Variants in PLEKHA5 observed in about 807,000 individuals in gnomAD.
PLEKHA5 encodes pleckstrin homology domain containing A5.
In PLEKHA5, 55 loss-of-function variants were observed where a neutral mutation model predicts 181.9. The ratio of observed to expected loss-of-function variants is 0.30; its 90% CI spans 0.24 to 0.38. PLEKHA5 has a LOEUF of 0.38. PLEKHA5 is among the 10% of genes least tolerant of loss of function. PLEKHA5 has a pLI of 1.00. For missense variants in PLEKHA5, 1,432 were observed against 1,549.5 expected, an observed-to-expected ratio of 0.92 and a Z score of 1.27; for synonymous variants, 535 against 529.4, an observed-to-expected ratio of 1.01 and a Z score of -0.15.
chr12:19,208,234 C>T (rs941463255), intron 3 of PLEKHA5, among the ~76,000 whole-genome samples: 1 of 144,122 alleles, frequency 6.9e-6, no homozygotes, highest in African/African-American at 2.5e-5. Context: ...ATGGTGAAAC[C>T]CTGTCTCTAC....
At chr12:19,307,034 C>A in intron 15 of PLEKHA5, 1 of 1,479,882 alleles carries the variant, frequency 6.8e-7, no homozygotes, top group Non-Finnish European at 9.4e-7. Flanking sequence ...GCCCTTGCTG[C>A]GCTTGGGCTT....
intron 20 of PLEKHA5, among the ~76,000 whole-genome samples, chr12:19,333,651 C>T (rs2093074982): frequency 1.3e-5 from 2 of 150,450 alleles, no homozygotes; most frequent in African/African-American, 4.9e-5. Flanking sequence ...CACTGTCGCC[C>T]GAGCTGGAGT....
chr12:19,200,606 T>C, intron 3 of PLEKHA5: 1 of 1,152,318 alleles, frequency 8.7e-7, no homozygotes, highest in South Asian at 3.9e-5. Context: ...CTATCAGGCC[T>C]GAACTTCATT....
In PLEKHA5 at chr12:19,130,363, GGCGCCCTCTTCCT is replaced by G. The variant is rs982921346; in HGVS notation, c.169+239_169+251del. ...CAGCCTTTCATCAGCACTTGGAGAC[GGCGCCCTCTTCCT>G]GCGCCTTCTCCCCCCATCCCAGCCT... On this transcript the variant is annotated intron_variant, in intron 2 of 31. Coordinates refer to ENST00000429027, the MANE Select transcript of PLEKHA5 (RefSeq NM_001256470.2). The surrounding 1 kb of genome is among the most constrained non-coding windows in gnomAD (Gnocchi z 4.5). Among the ~76,000 whole-genome samples the G allele has an allele frequency of 3.3e-5, 5 of 151,894 alleles. No individual in the cohort carries two copies. Among genetic ancestry groups the G allele is most frequent in the African/African-American group, 1.2e-4 (5 of 41,364 alleles).
chr12:19,345,913 T>G, intron 23 of PLEKHA5, 25 bp downstream of exon 23: 1 of 1,161,774 alleles, frequency 8.6e-7, no homozygotes, highest in East Asian at 2.4e-5. Context: ...TTTTTCTAAT[T>G]ATAAATTACT....
intron 26 of PLEKHA5, 149 bp from the exon 27 acceptor site, chr12:19,358,079 C>G: frequency 1.6e-6 from 1 of 613,870 alleles, no homozygotes; most frequent in Middle Eastern, 4.0e-4. Context: ...ATTTCATGTG[C>G]CTTTCTGGTG....
chr12:19,156,074 A>G (rs1041747573), intron 3 of PLEKHA5, among the ~76,000 whole-genome samples: 5 of 152,158 alleles, frequency 3.3e-5, no homozygotes, highest in African/African-American at 7.2e-5. Flanking sequence ...CCGTTTTATA[A>G]TCTTGCTTTT....
chr12:19,347,882 C>CTTTTTTTT (rs527719770), intron 24 of PLEKHA5, among the ~76,000 whole-genome samples: 2 of 119,816 alleles, frequency 1.7e-5, no homozygotes, highest in Non-Finnish European at 3.5e-5. Context: ...CAGAAATATT[C>CTTTTTTTT]TTTTTTTTTT....
intron 3 of PLEKHA5, among the ~76,000 whole-genome samples, chr12:19,178,406 A>C (rs2047800744): frequency 8.0e-5 from 2 of 24,872 alleles, no homozygotes; most frequent in African/African-American, 5.2e-5. Context: ...ATTTTGTAGA[A>C]AATAAAAGAA....
At chr12:19,259,258 C>T (rs1317672488) in intron 6 of PLEKHA5, among the ~76,000 whole-genome samples, 1 of 151,808 alleles carries the variant, frequency 6.6e-6, no homozygotes. Context: ...GTCCCAGCTA[C>T]TCCGGAGGCT....
chr12:19,269,986 G>A, intron 9 of PLEKHA5, 101 bp downstream of exon 9: 1 of 664,040 alleles, frequency 1.5e-6, no homozygotes, highest in African/African-American at 1.8e-5. Flanking sequence ...TAATAGTCAT[G>A]GTATGAAATC....
At chr12:19,175,817 C>A (rs890381953) in intron 3 of PLEKHA5, among the ~76,000 whole-genome samples, 1 of 152,106 alleles carries the variant, frequency 6.6e-6, no homozygotes, top group Non-Finnish European at 1.5e-5. Flanking sequence ...TTCTTGATTT[C>A]TTTATAATTT....
At chr12:19,266,160 C>T (rs182206257) in intron 8 of PLEKHA5, among the ~76,000 whole-genome samples, 16 of 152,028 alleles carry the variant, frequency 1.1e-4, no homozygotes, top group African/African-American at 3.4e-4. Flanking sequence ...GTTTTTTCAA[C>T]GTTACTGTAT....
chr12:19,183,354 T>A (rs537291909), intron 3 of PLEKHA5, among the ~76,000 whole-genome samples: 1 of 152,220 alleles, frequency 6.6e-6, no homozygotes, highest in African/African-American at 2.4e-5. Flanking sequence ...GCCACTGTTA[T>A]CATATTCTCT....
chr12:19,366,427 G>A (rs151275831), intron 30 of PLEKHA5, among the ~76,000 whole-genome samples: 517 of 152,270 alleles, frequency 3.4e-3, no homozygotes, highest in African/African-American at 0.012. Context: ...GGCCGAGGCA[G>A]GTGGACCACG....
In PLEKHA5 at chr12:19,130,088, A is replaced by T; in HGVS notation, c.127A>T (p.Thr43Ser). 2 of 1,590,060 alleles carry T rather than the reference A, an allele frequency of 1.3e-6. No homozygotes were observed. The highest frequency in any genetic ancestry group is 1.7e-6 in the Non-Finnish European group (2 of 1,169,876). Residue 43 changes from threonine to serine, a missense_variant, in exon 2 of 32, where the codon ACC becomes TCC. By Grantham distance (58) the Thr-to-Ser change is moderately conservative. This residue lies in a region of PLEKHA5 where 289 missense variants were observed against 381.1 expected (regional missense o/e 0.76). Transcript: ENST00000429027. The surrounding 1 kb of genome is among the most constrained non-coding windows in gnomAD (Gnocchi z 4.5). ...GAGCACCACCTGGCTGCACCCCGTC[A>T]CCGGCGAGGCGGTGGTCACCGGACA... ...AKSTTWLHPV[T>S]GEAVVTGHRR...
intron 9 of PLEKHA5, 125 bp downstream of exon 9, chr12:19,270,010 A>G (rs1221703888): frequency 4.6e-6 from 3 of 649,450 alleles, no homozygotes; most frequent in Non-Finnish European, 7.8e-6. Context: ...TTTTCCTCAG[A>G]AAGCAAGGAT....
intron 3 of PLEKHA5, among the ~76,000 whole-genome samples, chr12:19,231,536 A>T (rs1052039427): frequency 6.7e-6 from 1 of 148,476 alleles, no homozygotes; most frequent in African/African-American, 2.5e-5. Context: ...ATATGTACAC[A>T]TATATATGTA....
intron 3 of PLEKHA5, among the ~76,000 whole-genome samples, chr12:19,141,256 A>G (rs2037205349): frequency 6.6e-6 from 1 of 152,164 alleles, no homozygotes; most frequent in Non-Finnish European, 1.5e-5. Flanking sequence ...TTAACCTAAA[A>G]TGTAAGTTTT....
Sources: gnomAD v4.1 joint callset for allele counts (sites outside exome capture counted in the v4.1 genomes callset) on GRCh38, gnomAD v4.1.1 for gene constraint, gnomAD v4.1.1 regional missense constraint, Gnocchi (gnomAD v3.1) non-coding constraint, MANE v1.5 for transcripts, NCBI Gene and HGNC (gene_info 2026-07-23, HGNC 2026-07-21) for gene names.